Variants in RNFT2 observed in about 807,000 individuals in gnomAD.
RNFT2 encodes the protein E3 ubiquitin-protein ligase RNFT2.
RNFT2 carries 36 observed loss-of-function variants against 53.0 expected under a neutral mutation model. That is an observed-to-expected ratio of 0.68 (90% CI 0.52 to 0.90). The LOEUF is 0.90. Ranked by LOEUF, RNFT2 falls within the 40% of genes least tolerant of loss-of-function variation. The pLI, the probability that RNFT2 is intolerant of heterozygous loss-of-function variation, is 0.00. For missense variants in RNFT2, 514 were observed against 585.6 expected (o/e 0.88, Z 1.26); for synonymous variants, 260 against 253.2 (o/e 1.03, Z -0.26).
At chr12:116,741,715 C>T (rs2137060034) in intron 3 of RNFT2, among the ~76,000 whole-genome samples, 1 of 152,292 alleles carries the variant, frequency 6.6e-6, no homozygotes, top group Middle Eastern at 3.4e-3. Context: ...CAGTGGTGAT[C>T]ATGGCTCACT....
chr12:116,820,483 G>A (rs933851229), intron 7 of RNFT2, among the ~76,000 whole-genome samples: 5 of 152,200 alleles, frequency 3.3e-5, no homozygotes, highest in African/African-American at 1.2e-4. Flanking sequence ...ATTGGCTGTG[G>A]TGGATATGGA....
chr12:116,739,030 C>T (rs1053263320), intron 1 of RNFT2, among the ~76,000 whole-genome samples: 1 of 152,146 alleles, frequency 6.6e-6, no homozygotes, highest in Admixed American at 6.5e-5. Context: ...GCTTCACTGG[C>T]GGGTCATTTT....
intron 4 of RNFT2, among the ~76,000 whole-genome samples, chr12:116,750,892 A>T (rs868837410): frequency 0.03 from 25 of 822 alleles, no homozygotes; most frequent in South Asian, 0.14. Context: ...TATATATATA[A>T]TATATATATA....
At chr12:116,754,603 A>G (rs1872412678) in intron 5 of RNFT2, among the ~76,000 whole-genome samples, 1 of 152,208 alleles carries the variant, frequency 6.6e-6, no homozygotes, top group South Asian at 2.1e-4. Flanking sequence ...CATTCCCACC[A>G]GCAGTGTAGA....
In RNFT2 at chr12:116,764,880, G is replaced by A. The variant is rs568278555; in HGVS notation, c.628-1934G>A. 5.4e-4 allele frequency among the ~76,000 whole-genome samples: 82 copies of A among 152,292 alleles called. 1 individual carries two copies. The highest frequency in any genetic ancestry group is 1.9e-4 in the Non-Finnish European group (13 of 68,020). ...ACACTCCAGCCTGGGCAACAAGAGC[G>A]AAAGTCCGTCTCAAAAACAAACAAA... is the stretch of plus-strand genomic sequence containing the variant. On this transcript the variant is annotated intron_variant, in intron 5 of 10. Coordinates refer to ENST00000257575, the MANE Select transcript of RNFT2 (RefSeq NM_001382266.1).
chr12:116,811,373 A>AT (rs35453575), intron 7 of RNFT2, among the ~76,000 whole-genome samples: 122,753 of 147,762 alleles, frequency 0.83, 51,624 homozygotes, highest in Non-Finnish European at 0.91. Flanking sequence ...CAATGGGTGT[A>AT]TTTTTTTTTT....
Position 116,851,548 on chromosome 12 carries a change from G to T in RNFT2, c.*2100G>T, listed in dbSNP as rs1565878951. On this transcript the variant is annotated 3_prime_UTR_variant, in exon 11 of 11. Coordinates refer to ENST00000257575, the MANE Select transcript of RNFT2 (RefSeq NM_001382266.1). ...GAGGTCAAGAGTTCAAGACTAGCCT[G>T]GCCAACATGGCAAAACCCCCTCTTT... 7.1e-6 allele frequency: 4 copies of T among 560,886 alleles called. No individual in the cohort carries two copies. The highest frequency in any genetic ancestry group is 1.3e-5 in the Non-Finnish European group (4 of 314,874). 34.7% of individuals were successfully genotyped at this position (560,886 alleles called of 1,614,324 possible). A position where few individuals can be genotyped will look rare whatever the true frequency, so the allele number is the denominator to read the frequency against.
chr12:116,781,586 T>C (rs778422100), intron 7 of RNFT2, among the ~76,000 whole-genome samples: 2 of 151,474 alleles, frequency 1.3e-5, no homozygotes, highest in Non-Finnish European at 3.0e-5. Context: ...CGTTCTCTCC[T>C]CTCTCCCTCT....
At chr12:116,761,699 A>G (rs962986649) in intron 5 of RNFT2, among the ~76,000 whole-genome samples, 1 of 152,138 alleles carries the variant, frequency 6.6e-6, no homozygotes, top group Non-Finnish European at 1.5e-5. Context: ...TAAGTTCCTT[A>G]CCTGAGGTCA....
chr12:116,743,041 A>C (rs186728935), intron 3 of RNFT2, among the ~76,000 whole-genome samples: 260 of 140,906 alleles, frequency 1.8e-3, no homozygotes, highest in Non-Finnish European at 3.3e-3. Context: ...TGATTGCACC[A>C]CTGCATTCCA....
At chr12:116,765,075 C>A (rs1255785539) in intron 5 of RNFT2, among the ~76,000 whole-genome samples, 1 of 152,154 alleles carries the variant, frequency 6.6e-6, no homozygotes, top group African/African-American at 2.4e-5. Context: ...CCTGTATGTG[C>A]GTATCTTCCA....
chr12:116,766,720 T>C, intron 5 of RNFT2, 94 bp from the exon 6 acceptor site: 1 of 941,918 alleles, frequency 1.1e-6, no homozygotes, highest in East Asian at 2.7e-5. Context: ...TTCAAAATGT[T>C]GACAAAGTGA....
Position 116,851,984 on chromosome 12 carries a change from C to G in RNFT2, c.*2536C>G. On this transcript the variant is annotated 3_prime_UTR_variant, in exon 11 of 11. Coordinates refer to ENST00000257575, the MANE Select transcript of RNFT2 (RefSeq NM_001382266.1). ...AGGACAACCTATGTTATGGATGTTTCCACCAACCAGGGTAGTGGCATGGAG... is the reference window on the plus strand; with the variant it reads ...AGGACAACCTATGTTATGGATGTTTGCACCAACCAGGGTAGTGGCATGGAG... The G allele has an allele frequency of 6.7e-7, 1 of 1,489,844 alleles. No homozygotes were observed. Among genetic ancestry groups the G allele is most frequent in the Non-Finnish European group, 8.9e-7 (1 of 1,125,596 alleles). The allele number at this position is 1,489,844 out of a possible 1,614,324, so 92.3% of individuals were successfully genotyped here.
chr12:116,809,984 C>T (rs1443635402), intron 7 of RNFT2, among the ~76,000 whole-genome samples: 1 of 152,136 alleles, frequency 6.6e-6, no homozygotes, highest in Non-Finnish European at 1.5e-5. Flanking sequence ...CCAGAAAGAC[C>T]TTCTTATTCT....
intron 5 of RNFT2, among the ~76,000 whole-genome samples, chr12:116,759,944 T>C (rs1371472455): frequency 6.6e-6 from 1 of 152,108 alleles, no homozygotes; most frequent in Non-Finnish European, 1.5e-5. Context: ...TGTCTTCCGC[T>C]ACCAGGGTGG....
At chr12:116,835,895 T>G (rs1592987729) in intron 8 of RNFT2, 65 bp from the exon 9 acceptor site, 1 of 1,559,582 alleles carries the variant, frequency 6.4e-7, no homozygotes, top group Non-Finnish European at 8.8e-7. Flanking sequence ...TGGGGTGGGG[T>G]GATTGTGCAG....
chr12:116,759,430 G>GA lies in RNFT2; in HGVS notation c.627+5371dup, dbSNP rs1266482851. Among the ~76,000 whole-genome samples the GA allele has an allele frequency of 3.3e-5, 5 of 152,286 alleles. No individual in the cohort carries two copies. In the East Asian group the frequency reaches 9.7e-4, roughly 29 times the overall value. On this transcript the variant is annotated intron_variant, in intron 5 of 10. Coordinates refer to ENST00000257575, the MANE Select transcript of RNFT2 (RefSeq NM_001382266.1). Reference sequence around the variant, plus strand: ...AGTGTGATTTTGGGGGAGTGTTGAAGAGCCTTGTTTTGTCATATTACCAGG... The same window carrying GA: ...AGTGTGATTTTGGGGGAGTGTTGAAGAAGCCTTGTTTTGTCATATTACCAGG...
intron 7 of RNFT2, among the ~76,000 whole-genome samples, chr12:116,817,049 G>C (rs1290399993): frequency 6.6e-6 from 1 of 152,246 alleles, no homozygotes; most frequent in African/African-American, 2.4e-5. Flanking sequence ...GTCTCGCTCT[G>C]TCGCCCAGGC....
chr12:116,781,970 T>TC (rs1873724168), intron 7 of RNFT2: 1 of 151,190 alleles, frequency 6.6e-6, no homozygotes, highest in African/African-American at 2.4e-5. Flanking sequence ...TCCTACTTAC[T>TC]CGGGAGGCTG....
Sources: allele counts gnomAD v4.1 joint callset (sites outside exome capture counted in the v4.1 genomes callset), GRCh38; gene constraint gnomAD v4.1.1; transcripts MANE v1.5; gene names NCBI Gene and HGNC (gene_info 2026-07-23, HGNC 2026-07-21).